Variants in CUL2 observed in about 807,000 individuals in gnomAD.
The protein encoded by CUL2 is cullin 2, also known as cullin-2.
A neutral mutation model predicts 110.2 loss-of-function variants in CUL2; 22 were observed. The ratio of observed to expected loss-of-function variants is 0.20; its 90% CI spans 0.14 to 0.28. The LOEUF (loss-of-function observed/expected upper bound fraction) is 0.28. Ranked by LOEUF, CUL2 falls within the 10% of genes least tolerant of loss-of-function variation. The probability of loss-of-function intolerance (pLI) is 1.00; values close to 1 mark genes in which losing one functional copy is unlikely to be tolerated. For missense variants in CUL2, 631 were observed against 905.5 expected (o/e 0.70, Z 3.89); for synonymous variants, 279 against 293.2 (o/e 0.95, Z 0.49).
chr10:35,016,858 C>T (rs572746470), intron 17 of CUL2, among the ~76,000 whole-genome samples: 81 of 143,710 alleles, frequency 5.6e-4, no homozygotes, highest in Non-Finnish European at 1.1e-3. Context: ...ACCTGGGAGG[C>T]GGAGGTTGCA....
At chr10:35,082,134 G>GA (rs57996012) in intron 1 of CUL2, among the ~76,000 whole-genome samples, 2,177 of 139,436 alleles carry the variant, frequency 0.016, 43 homozygotes, top group African/African-American at 0.051. Context: ...CATCTTGACT[G>GA]AAAAAAAAAA....
chr10:35,036,958 C>T (rs896131781), intron 9 of CUL2, among the ~76,000 whole-genome samples: 3 of 152,178 alleles, frequency 2.0e-5, no homozygotes, highest in African/African-American at 7.2e-5. Flanking sequence ...TGGTCTTGTA[C>T]TCCTGAGCTC....
chr10:35,117,053 A>C (rs1193100604), intron 1 of CUL2, among the ~76,000 whole-genome samples: 1 of 152,142 alleles, frequency 6.6e-6, no homozygotes, highest in Admixed American at 6.6e-5. Flanking sequence ...ATGAAAAAAA[A>C]GGTAAACTTC....
In CUL2 at chr10:35,125,512, T is replaced by C. The variant is rs539401598; in HGVS notation, c.-51+1093A>G. On this transcript the variant is annotated intron_variant, in intron 1 of 5. Coordinates refer to the CUL2 transcript ENST00000685421. ...AATTAGATTTGAACAAAGGTTCAGA[T>C]TGGATTTAGATTAAGTCCTGCTCAG... 1.8e-4 allele frequency among the ~76,000 whole-genome samples: 27 copies of C among 152,374 alleles called. No homozygotes were observed. In the South Asian group the frequency reaches 4.3e-3, roughly 25 times the overall value.
intron 1 of CUL2, chr10:35,074,243 T>C: frequency 1.3e-6 from 2 of 1,532,006 alleles, no homozygotes; most frequent in Non-Finnish European, 1.7e-6. Context: ...CAAAGTTTGT[T>C]GTTTCCTTCT....
intron 19 of CUL2, among the ~76,000 whole-genome samples, chr10:35,012,820 A>T (rs1024850180): frequency 1.3e-5 from 2 of 152,124 alleles, no homozygotes; most frequent in Non-Finnish European, 2.9e-5. Context: ...TGCACACCGG[A>T]GGCAATCAGG....
chr10:35,097,829 C>T (rs1564752257), intron 2 of CUL2, among the ~76,000 whole-genome samples: 1 of 151,956 alleles, frequency 6.6e-6, no homozygotes, highest in Non-Finnish European at 1.5e-5. Flanking sequence ...CTTGGTGGTG[C>T]ATGCCTGTAG....
intron 17 of CUL2, among the ~76,000 whole-genome samples, chr10:35,021,881 T>C (rs1156678660): frequency 2.9e-5 from 1 of 34,702 alleles, no homozygotes; most frequent in African/African-American, 1.2e-4. Context: ...TGAGGTGGGG[T>C]GAGGTGGGGT....
intron 1 of CUL2, among the ~76,000 whole-genome samples, chr10:35,125,227 T>C (rs190273631): frequency 8.0e-4 from 122 of 152,324 alleles, no homozygotes; most frequent in Non-Finnish European, 1.4e-3. Flanking sequence ...GGCCATGAAC[T>C]GATGGGCTTG....
chr10:35,023,258 AAAAC>A (rs1475974893), intron 17 of CUL2, among the ~76,000 whole-genome samples: 3 of 152,226 alleles, frequency 2.0e-5, no homozygotes, highest in African/African-American at 7.2e-5. Context: ...GTTGGGAAGA[AAAAC>A]AACTCTAACT....
intron 1 of CUL2, among the ~76,000 whole-genome samples, chr10:35,084,744 T>G (rs995418644): frequency 6.6e-6 from 1 of 152,196 alleles, no homozygotes; most frequent in African/African-American, 2.4e-5. Flanking sequence ...TGCTTGTTTT[T>G]CCAAGATTTA....
intron 16 of CUL2, 114 bp from the exon 17 acceptor site, chr10:35,025,312 G>T (rs531402321): frequency 1.1e-4 from 144 of 1,344,872 alleles, no homozygotes; most frequent in African/African-American, 8.2e-4. Context: ...AGACATTAAA[G>T]CCCATCTGGT....
chr10:35,047,358 C>T (rs1227843761), intron 6 of CUL2, among the ~76,000 whole-genome samples: 2 of 152,014 alleles, frequency 1.3e-5, no homozygotes, highest in Admixed American at 1.3e-4. Flanking sequence ...CGCCTGTAAT[C>T]CCAGCACTTT....
intron 2 of CUL2, among the ~76,000 whole-genome samples, chr10:35,070,866 T>C (rs967596730): frequency 6.6e-6 from 1 of 152,188 alleles, no homozygotes; most frequent in Non-Finnish European, 1.5e-5. Context: ...TCACGACCTC[T>C]TCTTGAAAGC....
intron 4 of CUL2, among the ~76,000 whole-genome samples, chr10:35,054,783 A>G (rs1489324640): frequency 6.6e-6 from 1 of 152,202 alleles, no homozygotes; most frequent in Admixed American, 6.5e-5. Context: ...CAAGTTTCAG[A>G]ATTTCTATAA....
At chr10:35,074,482 T>C (rs556375938) in intron 1 of CUL2, among the ~76,000 whole-genome samples, 8 of 152,128 alleles carry the variant, frequency 5.3e-5, no homozygotes, top group Admixed American at 3.9e-4. Context: ...CTCCCACTGA[T>C]AGTCTAACCT....
intron 20 of CUL2, 25 bp from the exon 21 acceptor site, chr10:35,010,467 A>G (rs1284540079): frequency 1.3e-6 from 2 of 1,583,078 alleles, no homozygotes; most frequent in South Asian, 1.1e-5. Context: ...TGGAAGTCAA[A>G]CTACTGCCAG....
chr10:35,091,038 A>G (rs2087196287), upstream of CUL2, among the ~76,000 whole-genome samples: 1 of 152,188 alleles, frequency 6.6e-6, no homozygotes. Context: ...TGTATTTTCG[A>G]TAAAGAAACT....
At chr10:35,033,084 T>C (rs1383577905) in intron 11 of CUL2, 82 bp downstream of exon 11, 22 of 681,980 alleles carry the variant, frequency 3.2e-5, no homozygotes, top group Middle Eastern at 4.0e-4. Flanking sequence ...AGAAACCTCA[T>C]ACTAGAATTC....
Sources: allele counts gnomAD v4.1 joint callset (sites outside exome capture counted in the v4.1 genomes callset), GRCh38; gene constraint gnomAD v4.1.1; transcripts MANE v1.5; gene names NCBI Gene and HGNC (gene_info 2026-07-23, HGNC 2026-07-21).